RAP1GAP2: variants seen among roughly 807,000 people sequenced by gnomAD.
RAP1GAP2 encodes rap1 GTPase-activating protein 2.
In RAP1GAP2, 27 loss-of-function variants were observed where a neutral mutation model predicts 95.0. That is an observed-to-expected ratio of 0.28 (90% CI 0.21 to 0.39). The LOEUF (loss-of-function observed/expected upper bound fraction) is 0.39. RAP1GAP2 is among the 10% of genes least tolerant of loss of function. RAP1GAP2 has a pLI of 1.00. For missense variants in RAP1GAP2, 771 were observed against 970.0 expected, an observed-to-expected ratio of 0.79 and a Z score of 2.72; for synonymous variants, 373 against 380.9, an observed-to-expected ratio of 0.98 and a Z score of 0.24.
rs574585064 is a variant in RAP1GAP2, at chr17:2,825,506, G to A, written c.80+24956G>A. On this transcript the variant is annotated intron_variant, in intron 2 of 24. Coordinates refer to ENST00000254695, the MANE Select transcript of RAP1GAP2 (RefSeq NM_015085.5). This position sits in a 1 kb window ranked among gnomAD's most constrained non-coding sequence, Gnocchi z 4.1. ...ATCGAGCTCCTATTTGTAGCCAGCCGCCTCTGTTTTAGGAGCCGGGGATCC... is the reference window on the plus strand; with the variant it reads ...ATCGAGCTCCTATTTGTAGCCAGCCACCTCTGTTTTAGGAGCCGGGGATCC... Among the ~76,000 whole-genome samples the A allele has an allele frequency of 1.3e-5, 2 of 152,080 alleles. No homozygotes were observed. Among genetic ancestry groups the A allele is most frequent in the Non-Finnish European group, 2.9e-5 (2 of 68,016 alleles).
rs538107160 is a variant in RAP1GAP2, at chr17:2,847,655, C to A, written c.80+47105C>A. The stretch of plus-strand genomic sequence containing the variant: ...AATATTATGGAAAGACAGCTTCCCT[C>A]CCGGCTTTTCCACTCAGCCTCAGAA... On this transcript the variant is annotated intron_variant, in intron 2 of 24. Coordinates refer to ENST00000254695, the MANE Select transcript of RAP1GAP2 (RefSeq NM_015085.5). 6.6e-5 allele frequency among the ~76,000 whole-genome samples: 10 copies of A among 152,292 alleles called. No individual in the cohort carries two copies. The South Asian group carries it at 1.9e-3, about 28-fold the overall frequency.
At position 2,816,231 on chromosome 17, in the gene RAP1GAP2, G is replaced by T. The variant is rs865830957; in HGVS notation, c.80+15681G>T. ...GCTGACCATACAGAGGTGCTGTTTT[G>T]TTTTGTTTTTTTTTTTTCTTAGGAT... On this transcript the variant is annotated intron_variant, in intron 2 of 24. Transcript: ENST00000254695. 2.6e-3 allele frequency among the ~76,000 whole-genome samples: 385 copies of T among 146,666 alleles called. 5 individuals carry two copies. Among genetic ancestry groups the T allele is most frequent in the South Asian group, 0.023 (106 of 4,572 alleles).
In RAP1GAP2 at chr17:2,959,221, A is replaced by G. The variant is rs141999499; in HGVS notation, c.201+1427A>G. ...AGTCCCCTTCCCACAACTTTGCCCC[A>G]CACAGGGTCTCTCTGAGCACAGCAT... On this transcript the variant is annotated intron_variant, in intron 4 of 24. Coordinates refer to ENST00000254695, the MANE Select transcript of RAP1GAP2 (RefSeq NM_015085.5). 2.2e-3 allele frequency among the ~76,000 whole-genome samples: 332 copies of G among 152,082 alleles called. 2 individuals are homozygous for G. The East Asian group carries it at 0.026, about 12-fold the overall frequency.
At chr17:2,840,455 G>A (rs1164633702) in intron 2 of RAP1GAP2, among the ~76,000 whole-genome samples, 3 of 152,148 alleles carry the variant, frequency 2.0e-5, no homozygotes, top group South Asian at 2.1e-4. Flanking sequence ...GAGCCACAGT[G>A]CCCGGCTGTT....
At chr17:2,841,734 C>T (rs2071381516) in intron 2 of RAP1GAP2, among the ~76,000 whole-genome samples, 1 of 152,158 alleles carries the variant, frequency 6.6e-6, no homozygotes, top group East Asian at 1.9e-4. Context: ...ATCTCCTGGC[C>T]TGTTTCCCAA....
At chr17:2,873,469 TG>T (rs2072937688) in intron 2 of RAP1GAP2, among the ~76,000 whole-genome samples, 1 of 62,974 alleles carries the variant, frequency 1.6e-5, no homozygotes, top group Non-Finnish European at 2.7e-5. Context: ...AATGAGACCC[TG>T]TCTCAAAAAA....
At chr17:2,911,103 G>C (rs1278205078) in intron 3 of RAP1GAP2, among the ~76,000 whole-genome samples, 2 of 152,136 alleles carry the variant, frequency 1.3e-5, no homozygotes, top group Non-Finnish European at 2.9e-5. Context: ...GCCTCTTGTG[G>C]CTCTCCCACT....
rs897500541 is a variant in RAP1GAP2, at chr17:2,857,326, T to C, written c.81-47958T>C. ...GCTCTCTCCAGGCCACTTGGAAATA[T>C]TGCGTATTAGGGGACAGGGAGGTGT... On this transcript the variant is annotated intron_variant, in intron 2 of 24. Coordinates refer to ENST00000254695, the MANE Select transcript of RAP1GAP2 (RefSeq NM_015085.5). The surrounding 1 kb of genome is among the most constrained non-coding windows in gnomAD (Gnocchi z 4.0). Among the ~76,000 whole-genome samples, 2 of 152,126 alleles carry C rather than the reference T, an allele frequency of 1.3e-5. No individual in the cohort carries two copies. Among genetic ancestry groups the C allele is most frequent in the Admixed American group, 6.5e-5 (1 of 15,270 alleles).
intron 3 of RAP1GAP2, among the ~76,000 whole-genome samples, chr17:2,956,903 A>T (rs555750644): frequency 2.6e-5 from 4 of 151,934 alleles, no homozygotes; most frequent in Non-Finnish European, 1.5e-5. Context: ...CCAAGGCGGG[A>T]GGATCACAAG....
At chr17:2,988,832 T>C (rs1210563244) in intron 11 of RAP1GAP2, among the ~76,000 whole-genome samples, 2 of 152,184 alleles carry the variant, frequency 1.3e-5, no homozygotes, top group Admixed American at 6.6e-5. Flanking sequence ...GAGGCCGAGG[T>C]GGGCGGATCA....
chr17:2,970,866 C>T (rs1426270300), intron 8 of RAP1GAP2, among the ~76,000 whole-genome samples: 1 of 151,456 alleles, frequency 6.6e-6, no homozygotes, highest in Admixed American at 6.6e-5. Flanking sequence ...ACAGGGTGAC[C>T]CCATCTCTTA....
intron 3 of RAP1GAP2, among the ~76,000 whole-genome samples, chr17:2,930,983 A>C (rs1210841668): frequency 6.6e-6 from 1 of 152,018 alleles, no homozygotes; most frequent in Non-Finnish European, 1.5e-5. Flanking sequence ...AAAACTAGCC[A>C]GGCGTGGCAT....
intron 2 of RAP1GAP2, among the ~76,000 whole-genome samples, chr17:2,812,101 A>T (rs2069793594): frequency 6.6e-6 from 1 of 152,150 alleles, no homozygotes; most frequent in Admixed American, 6.5e-5. Context: ...TGCAGACCAG[A>T]GTCAGCCGGA....
At chr17:3,018,302 T>C in intron 18 of RAP1GAP2, 104 bp downstream of exon 18, 1 of 1,418,118 alleles carries the variant, frequency 7.1e-7, no homozygotes, top group Non-Finnish European at 9.3e-7. Context: ...GGTGACTTGA[T>C]CAGGGCAAGC....
chr17:3,001,794 G>A (rs138334946), intron 14 of RAP1GAP2, among the ~76,000 whole-genome samples: 70 of 152,330 alleles, frequency 4.6e-4, no homozygotes, highest in Non-Finnish European at 8.5e-4. Context: ...TCCTGTAGAC[G>A]TTTAGCATTT....
chr17:2,898,861 G>C (rs2041928794), intron 2 of RAP1GAP2, among the ~76,000 whole-genome samples: 2 of 145,912 alleles, frequency 1.4e-5, no homozygotes, highest in Admixed American at 1.3e-4. Context: ...CCGTTTTACA[G>C]ATGAGGAAGC....
Position 2,871,779 on chromosome 17 carries a change from A to C in RAP1GAP2, c.81-33505A>C, listed in dbSNP as rs1018193586. On this transcript the variant is annotated intron_variant, in intron 2 of 24. Coordinates refer to ENST00000254695, the MANE Select transcript of RAP1GAP2 (RefSeq NM_015085.5). The surrounding 1 kb of genome is among the most constrained non-coding windows in gnomAD (Gnocchi z 5.0). ...ACCTCTGGGGATCTGTCAGATGTGC[A>C]TCTTTCCACACACGTGGAATGACGT... Among the ~76,000 whole-genome samples the C allele has an allele frequency of 6.6e-6, 1 of 152,182 alleles. No individual in the cohort carries two copies. Among genetic ancestry groups the C allele is most frequent in the Non-Finnish European group, 1.5e-5 (1 of 68,040 alleles).
At chr17:2,888,105 T>A (rs2073565725) in intron 2 of RAP1GAP2, among the ~76,000 whole-genome samples, 1 of 152,142 alleles carries the variant, frequency 6.6e-6, no homozygotes, top group Admixed American at 6.5e-5. Flanking sequence ...TCTCAGAGTT[T>A]TTAAAAATTT....
At chr17:2,957,499 G>T (rs1391108787) in intron 3 of RAP1GAP2, among the ~76,000 whole-genome samples, 1 of 152,222 alleles carries the variant, frequency 6.6e-6, no homozygotes, top group African/African-American at 2.4e-5. Context: ...CCCTTTCCTT[G>T]ACAGAGGCTG....
Sources: gnomAD v4.1 joint callset for allele counts (sites outside exome capture counted in the v4.1 genomes callset) on GRCh38, gnomAD v4.1.1 for gene constraint, Gnocchi (gnomAD v3.1) non-coding constraint, MANE v1.5 for transcripts, NCBI Gene and HGNC (gene_info 2026-07-23, HGNC 2026-07-21) for gene names.